The following CTSO variants were observed in gnomAD, a reference collection of about 807,000 sequenced individuals.
The protein encoded by CTSO is cathepsin O.
In CTSO, 40 loss-of-function variants were observed where a neutral mutation model predicts 42.4. That is an observed-to-expected ratio of 0.94 (90% CI 0.73 to 1.23). CTSO has a LOEUF of 1.23. Among genes scored for constraint, CTSO ranks in the 50% most tolerant of loss-of-function variants. The probability of loss-of-function intolerance (pLI) is 0.00; values close to 1 mark genes in which losing one functional copy is unlikely to be tolerated. For synonymous variants in CTSO, 156 were observed against 146.2 expected, an observed-to-expected ratio of 1.07 and a Z score of -0.48; for missense variants, 441 against 396.0, an observed-to-expected ratio of 1.11 and a Z score of -0.96.
At chr4:155,935,537 C>A (rs1338088189) in intron 5 of CTSO, among the ~76,000 whole-genome samples, 3 of 152,070 alleles carry the variant, frequency 2.0e-5, no homozygotes, top group East Asian at 3.9e-4. Context: ...TTGAACATAA[C>A]CTTTTCAGTG....
chr4:155,949,659 T>A (rs1005416297), intron 1 of CTSO, among the ~76,000 whole-genome samples: 16 of 152,226 alleles, frequency 1.1e-4, no homozygotes, highest in Non-Finnish European at 8.8e-5. Flanking sequence ...TTTAAAATGT[T>A]CTCCTTAGGA....
chr4:155,943,687 C>A (rs564648226), intron 1 of CTSO, among the ~76,000 whole-genome samples: 1 of 151,992 alleles, frequency 6.6e-6, no homozygotes, highest in South Asian at 2.1e-4. Context: ...TTGTGTTTCC[C>A]GGAACTAAGT....
At chr4:155,944,719 G>A (rs1024586621) in intron 1 of CTSO, among the ~76,000 whole-genome samples, 8 of 152,268 alleles carry the variant, frequency 5.3e-5, no homozygotes, top group South Asian at 2.1e-4. Context: ...TCATGACTTA[G>A]TGCTAAGGCT....
chr4:155,950,596 T>C (rs372483937), intron 1 of CTSO, among the ~76,000 whole-genome samples: 1 of 152,164 alleles, frequency 6.6e-6, no homozygotes, highest in Non-Finnish European at 1.5e-5. Flanking sequence ...CCCTGGGCCA[T>C]GGACCAGTAC....
At chr4:155,933,889 T>TTTCTG (rs1441560936) in intron 5 of CTSO, among the ~76,000 whole-genome samples, 1 of 152,132 alleles carries the variant, frequency 6.6e-6, no homozygotes, top group African/African-American at 2.4e-5. Context: ...AAACAGAGCA[T>TTTCTG]AAAAGTTCAG....
intron 1 of CTSO, among the ~76,000 whole-genome samples, chr4:155,951,176 G>A (rs900116906): frequency 6.6e-6 from 1 of 152,114 alleles, no homozygotes; most frequent in African/African-American, 2.4e-5. Context: ...GAAATTTTAT[G>A]TAAAATCACA....
chr4:155,941,538 T>A (rs990390725), intron 3 of CTSO, among the ~76,000 whole-genome samples: 1 of 152,222 alleles, frequency 6.6e-6, no homozygotes, highest in African/African-American at 2.4e-5. Flanking sequence ...AATTGCTATA[T>A]TTATTGCAGT....
rs755119527 is a variant in CTSO, at chr4:155,953,818, C to T, written c.30G>A (p.Pro10=). Residue 10 remains proline, a synonymous_variant, in exon 1 of 8, where the codon CCG becomes CCA. Coordinates refer to ENST00000433477, the MANE Select transcript of CTSO (RefSeq NM_001334.3). MDVRALPWL[P]WLLWLLCRGG... is the part of the protein sequence containing the mutation. ...CCCGGCACAGCAGCCACAGCAGCCA[C>T]GGCAGCCACGGCAGCGCCCGCACGT... 5 of 1,317,630 alleles carry T rather than the reference C, an allele frequency of 3.8e-6. No individual in the cohort carries two copies. Among genetic ancestry groups the T allele is most frequent in the South Asian group, 4.3e-5 (2 of 46,344 alleles). The allele number at this position is 1,317,630 out of a possible 1,614,324, so 81.6% of individuals were successfully genotyped here. A position where few individuals can be genotyped will look rare whatever the true frequency, so the allele number is the denominator to read the frequency against.
chr4:155,930,470 CATATT>C (rs1236751088), intron 5 of CTSO, among the ~76,000 whole-genome samples: 1 of 152,146 alleles, frequency 6.6e-6, no homozygotes, highest in Admixed American at 6.5e-5. Context: ...CATAAAGTCT[CATATT>C]ATACAACATT....
At chr4:155,940,800 A>G (rs1242145541) in intron 3 of CTSO, among the ~76,000 whole-genome samples, 16 of 151,698 alleles carry the variant, frequency 1.1e-4, no homozygotes, top group Non-Finnish European at 2.4e-4. Flanking sequence ...CCGAGATCGC[A>G]TCACTGCACT....
At chr4:155,931,535 A>G (rs961877528) in intron 5 of CTSO, among the ~76,000 whole-genome samples, 4 of 152,184 alleles carry the variant, frequency 2.6e-5, no homozygotes, top group Non-Finnish European at 5.9e-5. Context: ...GCAGAGGCAA[A>G]TGTTCCATTT....
chr4:155,943,021 T>C, intron 2 of CTSO, 135 bp downstream of exon 2: 1 of 617,602 alleles, frequency 1.6e-6, no homozygotes, highest in Non-Finnish European at 2.9e-6. Context: ...ACATGGTACA[T>C]GCCTGACATT....
At chr4:155,927,220 A>T (rs1743145058) in intron 7 of CTSO, among the ~76,000 whole-genome samples, 2 of 152,150 alleles carry the variant, frequency 1.3e-5, no homozygotes, top group Admixed American at 1.3e-4. Flanking sequence ...AAACTTTCAA[A>T]TTTTTCTGTA....
intron 4 of CTSO, among the ~76,000 whole-genome samples, chr4:155,938,061 C>G (rs1743363645): frequency 6.6e-6 from 1 of 152,078 alleles, no homozygotes; most frequent in Non-Finnish European, 1.5e-5. Context: ...GATCTAGTAA[C>G]AGTCTTGTCA....
chr4:155,942,988 T>A (rs1329040148), intron 2 of CTSO, among the ~76,000 whole-genome samples, 168 bp downstream of exon 2: 1 of 152,182 alleles, frequency 6.6e-6, no homozygotes, highest in African/African-American at 2.4e-5. Context: ...AGACTGGCCA[T>A]GAATTTATTT....
intron 5 of CTSO, among the ~76,000 whole-genome samples, chr4:155,930,077 A>G (rs1743208794): frequency 1.3e-5 from 2 of 152,214 alleles, no homozygotes; most frequent in Admixed American, 6.5e-5. Flanking sequence ...ACTTCCACAT[A>G]TATCTTCACG....
chr4:155,927,917 A>C (rs1184671563), intron 7 of CTSO, among the ~76,000 whole-genome samples: 1 of 152,162 alleles, frequency 6.6e-6, no homozygotes, highest in Non-Finnish European at 1.5e-5. Flanking sequence ...TAGTTTTCGT[A>C]TATTTTAAAA....
chr4:155,928,372 C>T lies in CTSO; in HGVS notation c.895G>A (p.Gly299Ser), dbSNP rs746154719. ...NSWGSSWGVD[G>S]YAHVKMGSNV... ...CTTCCCATTTTGACATGGGCATAACCATCTACTCCCCAAGAACTTCCCCAG... is the reference window on the plus strand; with the variant it reads ...CTTCCCATTTTGACATGGGCATAACTATCTACTCCCCAAGAACTTCCCCAG... Residue 299 changes from glycine to serine, a missense_variant, in exon 7 of 8, where the codon GGT (glycine) becomes AGT (serine). Gly to Ser is a moderately conservative substitution (Grantham distance 56). Coordinates refer to ENST00000433477, the MANE Select transcript of CTSO (RefSeq NM_001334.3). The T allele has an allele frequency of 1.9e-6, 3 of 1,613,128 alleles. No individual in the cohort carries two copies. The highest frequency in any genetic ancestry group is 2.2e-5 in the South Asian group (2 of 90,990).
intron 3 of CTSO, among the ~76,000 whole-genome samples, chr4:155,941,402 C>T (rs1265164956): frequency 6.6e-6 from 1 of 152,224 alleles, no homozygotes; most frequent in Non-Finnish European, 1.5e-5. Context: ...TACCCACCCA[C>T]ATCTGCTCTT....
Sources: gnomAD v4.1 joint callset for allele counts (sites outside exome capture counted in the v4.1 genomes callset) on GRCh38, gnomAD v4.1.1 for gene constraint, MANE v1.5 for transcripts, NCBI Gene and HGNC (gene_info 2026-07-23, HGNC 2026-07-21) for gene names.